The following KIAA0040 variants were observed in gnomAD, a reference collection of about 807,000 sequenced individuals.
KIAA0040 encodes the protein uncharacterized protein KIAA0040.
A neutral mutation model predicts 7.2 loss-of-function variants in KIAA0040; 10 were observed. The ratio of observed to expected loss-of-function variants is 1.38; its 90% CI spans 0.85 to 2.34. The LOEUF (loss-of-function observed/expected upper bound fraction) is 2.34, where lower values mean the gene tolerates loss of function less well. Ranked by LOEUF, KIAA0040 falls within the 30% of genes most tolerant of loss-of-function variation. The pLI is 0.00. For missense variants in KIAA0040, 89 were observed against 108.2 expected (o/e 0.82, Z 0.79); for synonymous variants, 49 against 40.1 (o/e 1.22, Z -0.84).
intron 1 of KIAA0040, among the ~76,000 whole-genome samples, chr1:175,180,233 T>C (rs566217109): frequency 1.3e-3 from 201 of 152,348 alleles, no homozygotes; most frequent in African/African-American, 4.7e-3. Context: ...GTTTAATCAT[T>C]GTTCTTCCTT....
chr1:175,174,549 A>G (rs1021078062), intron 2 of KIAA0040, among the ~76,000 whole-genome samples: 1 of 152,202 alleles, frequency 6.6e-6, no homozygotes, highest in Non-Finnish European at 1.5e-5. Context: ...AGAACAGACA[A>G]GACATGTGGA....
At chr1:175,161,805 C>T (rs988771849) in intron 3 of KIAA0040, among the ~76,000 whole-genome samples, 3 of 152,134 alleles carry the variant, frequency 2.0e-5, no homozygotes, top group Non-Finnish European at 2.9e-5. Flanking sequence ...TCCTCTCCTC[C>T]CAAGGCTGAG....
intron 3 of KIAA0040, among the ~76,000 whole-genome samples, chr1:175,161,414 G>A (rs1676538869): frequency 6.6e-6 from 1 of 152,188 alleles, no homozygotes; most frequent in African/African-American, 2.4e-5. Context: ...GTTCTCAGTA[G>A]TTGTTGGATA....
chr1:175,176,342 C>T (rs1292489649), intron 2 of KIAA0040: 1 of 152,150 alleles, frequency 6.6e-6, no homozygotes, highest in Non-Finnish European at 1.5e-5. Context: ...TCTTAAAATG[C>T]AAAGATCAAA....
intron 1 of KIAA0040, among the ~76,000 whole-genome samples, chr1:175,179,456 T>TA (rs1040425435): frequency 1.3e-5 from 2 of 152,140 alleles, no homozygotes; most frequent in African/African-American, 4.8e-5. Context: ...ATACCACAAT[T>TA]AAAAAAACTT....
chr1:175,183,223 G>A (rs1272327545), intron 1 of KIAA0040, among the ~76,000 whole-genome samples: 1 of 152,178 alleles, frequency 6.6e-6, no homozygotes, highest in Non-Finnish European at 1.5e-5. Flanking sequence ...TTTCCCACTT[G>A]ACATTAAGCT....
In KIAA0040 at chr1:175,159,130, T is replaced by C. The variant is rs1473369774; in HGVS notation, c.*1584A>G. ...TATTTGTAAATAAACTTCTAGAGCA[T>C]AACTTGCTCCCAAGGAGTGAATTGT... is the stretch of plus-strand genomic sequence containing the variant. On this transcript the variant is annotated 3_prime_UTR_variant, in exon 4 of 4. Coordinates refer to ENST00000423313, the MANE Select transcript of KIAA0040 (RefSeq NM_014656.3). 2 of 152,406 alleles carry C rather than the reference T, an allele frequency of 1.3e-5. No homozygotes were observed. Among genetic ancestry groups the C allele is most frequent in the South Asian group, 2.1e-4 (1 of 4,826 alleles). The allele number at this position is 152,406 out of a possible 1,614,324, so 9.4% of individuals were successfully genotyped here.
At chr1:175,184,930 G>C (rs560079977) in intron 1 of KIAA0040, among the ~76,000 whole-genome samples, 1 of 152,258 alleles carries the variant, frequency 6.6e-6, no homozygotes, top group East Asian at 1.9e-4. Context: ...AAACAGAATG[G>C]CTTCTTATTC....
rs1002489301 is a variant in KIAA0040, at chr1:175,161,070, C to T, written c.-57G>A. 1 of 1,461,832 alleles carries T rather than the reference C, an allele frequency of 6.8e-7. No homozygotes were observed. Among genetic ancestry groups the T allele is most frequent in the African/African-American group, 1.4e-5 (1 of 70,238 alleles). The allele number at this position is 1,461,832 out of a possible 1,614,324, so 90.6% of individuals were successfully genotyped here. ...TCTCGGCTTACAAGCAGGTCCTGGG[C>T]TCAAAAGGATGCAACCTTGACCACT... is the stretch of plus-strand genomic sequence containing the variant. On this transcript the variant is annotated 5_prime_UTR_variant, in exon 4 of 4. Coordinates refer to ENST00000423313, the MANE Select transcript of KIAA0040 (RefSeq NM_014656.3).
chr1:175,160,694 C>T lies in KIAA0040; in HGVS notation c.*20G>A. On this transcript the variant is annotated 3_prime_UTR_variant, in exon 4 of 4. Coordinates refer to ENST00000423313, the MANE Select transcript of KIAA0040 (RefSeq NM_014656.3). ...AGGAGGCTTAGCCCCAGAAAGGAAA[C>T]ACCTCTGCTTCCTGCCTAACTAAAC... The T allele has an allele frequency of 1.3e-6, 2 of 1,528,370 alleles. No homozygotes were observed. The highest frequency in any genetic ancestry group is 1.8e-6 in the Non-Finnish European group (2 of 1,138,222). 94.7% of individuals were successfully genotyped at this position (1,528,370 alleles called of 1,614,324 possible).
intron 1 of KIAA0040, among the ~76,000 whole-genome samples, chr1:175,189,423 T>A (rs1230554243): frequency 6.6e-6 from 1 of 152,210 alleles, no homozygotes; most frequent in African/African-American, 2.4e-5. Context: ...ATTGGTGCTT[T>A]CAGCTCCAAA....
chr1:175,164,746 A>G (rs1278056053), intron 3 of KIAA0040, among the ~76,000 whole-genome samples: 1 of 152,210 alleles, frequency 6.6e-6, no homozygotes, highest in Non-Finnish European at 1.5e-5. Context: ...ATTCTTTTCT[A>G]GGCACCCCCC....
rs577319971 is a variant in KIAA0040 at position 175,157,170 on chromosome 1, T to G, written c.*3544A>C. On this transcript the variant is annotated 3_prime_UTR_variant, in exon 4 of 4. Coordinates refer to ENST00000423313, the MANE Select transcript of KIAA0040 (RefSeq NM_014656.3). ...CCTCCTTTCCCAACAAACACTGGAT[T>G]TAACTCAAAGGTCCATTCTTCCTTA... 6.6e-6 allele frequency: 1 copy of G among 152,212 alleles called. No homozygotes were observed. Among genetic ancestry groups the G allele is most frequent in the Non-Finnish European group, 1.5e-5 (1 of 68,048 alleles). 9.4% of individuals were successfully genotyped at this position (152,212 alleles called of 1,614,324 possible). A position where few individuals can be genotyped will look rare whatever the true frequency, so the allele number is the denominator to read the frequency against.
At chr1:175,172,405 T>G (rs1400797038) in intron 2 of KIAA0040, among the ~76,000 whole-genome samples, 1 of 152,114 alleles carries the variant, frequency 6.6e-6, no homozygotes, top group Non-Finnish European at 1.5e-5. Flanking sequence ...AGATCCTATC[T>G]CTACAAAAAT....
At chr1:175,175,797 G>A (rs570728733) in intron 2 of KIAA0040, among the ~76,000 whole-genome samples, 3 of 152,126 alleles carry the variant, frequency 2.0e-5, no homozygotes, top group Non-Finnish European at 2.9e-5. Context: ...AACACCTCAT[G>A]TTCTCACTCA....
intron 1 of KIAA0040, among the ~76,000 whole-genome samples, chr1:175,179,160 G>T (rs541330566): frequency 6.6e-6 from 1 of 152,270 alleles, no homozygotes; most frequent in East Asian, 1.9e-4. Flanking sequence ...AGCGAAGAAG[G>T]CTTCTAAGGA....
chr1:175,183,301 A>G (rs1677516965), intron 1 of KIAA0040, among the ~76,000 whole-genome samples: 1 of 152,218 alleles, frequency 6.6e-6, no homozygotes, highest in African/African-American at 2.4e-5. Flanking sequence ...TAGATGTACA[A>G]TAAATGCTTT....
chr1:175,169,392 G>A (rs957481800), intron 2 of KIAA0040, among the ~76,000 whole-genome samples: 3 of 152,110 alleles, frequency 2.0e-5, no homozygotes, highest in African/African-American at 2.4e-5. Flanking sequence ...TCTCTCTGGC[G>A]CTCTGTTTTC....
At chr1:175,192,127 C>T (rs956286447) in intron 1 of KIAA0040, among the ~76,000 whole-genome samples, 1 of 152,172 alleles carries the variant, frequency 6.6e-6, no homozygotes, top group Non-Finnish European at 1.5e-5. Flanking sequence ...AGGAAGTAAT[C>T]TGTGTCACAG....
Sources: allele counts gnomAD v4.1 joint callset (sites outside exome capture counted in the v4.1 genomes callset), GRCh38; gene constraint gnomAD v4.1.1; transcripts MANE v1.5; gene names NCBI Gene and HGNC (gene_info 2026-07-23, HGNC 2026-07-21).